ZNF92: variants seen among roughly 807,000 people sequenced by gnomAD.
ZNF92 encodes epididymis luminal protein 203.
A neutral mutation model predicts 12.4 loss-of-function variants in ZNF92; 11 were observed. That is an observed-to-expected ratio of 0.89 (90% CI 0.56 to 1.47). The LOEUF is 1.47. Among genes scored for constraint, ZNF92 ranks in the 40% most tolerant of loss-of-function variants. The probability of loss-of-function intolerance (pLI) is 0.00; values close to 1 mark genes in which losing one functional copy is unlikely to be tolerated. For missense variants in ZNF92, 622 were observed against 681.0 expected (o/e 0.91, Z 0.96); for synonymous variants, 206 against 228.6 (o/e 0.90, Z 0.89).
At chr7:65,391,559 C>T (rs540097601) in intron 3 of ZNF92, among the ~76,000 whole-genome samples, 2 of 152,030 alleles carry the variant, frequency 1.3e-5, no homozygotes, top group Non-Finnish European at 2.9e-5. Flanking sequence ...TAGCCTATAT[C>T]TAAGTAATAA....
At position 65,387,969 on chromosome 7, in the gene ZNF92, C is replaced by T. The variant is rs552074369; in HGVS notation, c.71C>T (p.Ala24Val). 4.4e-5 allele frequency: 71 copies of T among 1,607,758 alleles called. 1 individual carries two copies. The highest frequency in any genetic ancestry group is 6.8e-5 in the Admixed American group (4 of 58,648). The stretch of plus-strand genomic sequence containing the variant: ...GAGGAATGGCAATGCCTGGACACTG[C>T]GCAGCGGAATTTATATAGAGATGTG... ...SLEEWQCLDT[A>V]QRNLYRDVML... The change falls in exon 2 of 4, where the codon GCG becomes GTG. Residue 24 changes from alanine (A) to valine (V), a missense_variant. By Grantham distance (64) the Ala-to-Val change is moderately conservative. Coordinates refer to ENST00000328747, the MANE Select transcript of ZNF92 (RefSeq NM_152626.4).
chr7:65,380,070 C>G (rs1793364908), intron 1 of ZNF92, among the ~76,000 whole-genome samples: 1 of 151,972 alleles, frequency 6.6e-6, no homozygotes, highest in African/African-American at 2.4e-5. Flanking sequence ...CTTATTGTCT[C>G]CATGTGTTGT....
At chr7:65,390,382 A>C (rs1793680646) in intron 3 of ZNF92, among the ~76,000 whole-genome samples, 1 of 152,056 alleles carries the variant, frequency 6.6e-6, no homozygotes, top group African/African-American at 2.4e-5. Context: ...AATTTGAAGG[A>C]GCAAACAGCT....
chr7:65,385,883 AG>A (rs1476736140), intron 1 of ZNF92, among the ~76,000 whole-genome samples: 12 of 152,200 alleles, frequency 7.9e-5, no homozygotes, highest in African/African-American at 2.9e-4. Flanking sequence ...TCTCAGATCA[AG>A]AGCTGTGTCC....
intron 3 of ZNF92, among the ~76,000 whole-genome samples, chr7:65,397,809 G>C (rs1793881702): frequency 6.6e-6 from 1 of 151,790 alleles, no homozygotes; most frequent in Admixed American, 6.6e-5. Context: ...GCTGTCTGTG[G>C]TGCTGCTGCA....
intron 3 of ZNF92, among the ~76,000 whole-genome samples, chr7:65,390,609 T>C (rs1214032972): frequency 6.6e-6 from 1 of 152,104 alleles, no homozygotes; most frequent in Non-Finnish European, 1.5e-5. Flanking sequence ...CCTCCAGGAC[T>C]TTGCTCTGTC....
At chr7:65,384,874 C>T (rs912019951) in intron 1 of ZNF92, among the ~76,000 whole-genome samples, 38 of 152,128 alleles carry the variant, frequency 2.5e-4, no homozygotes, top group Non-Finnish European at 1.8e-4. Flanking sequence ...CTGTAACATA[C>T]TCTTGAGGAC....
intron 1 of ZNF92, among the ~76,000 whole-genome samples, chr7:65,376,931 G>A (rs1000648922): frequency 1.3e-5 from 2 of 152,078 alleles, no homozygotes; most frequent in East Asian, 3.8e-4. Context: ...GAGTAAATTT[G>A]TTACAGCGAA....
chr7:65,376,160 G>A (rs1793230572), intron 1 of ZNF92, among the ~76,000 whole-genome samples: 1 of 151,978 alleles, frequency 6.6e-6, no homozygotes, highest in African/African-American at 2.4e-5. Context: ...CAGTCCACCT[G>A]CCTTGGCCTC....
chr7:65,392,675 T>C (rs1793745881), intron 3 of ZNF92, among the ~76,000 whole-genome samples: 2 of 151,908 alleles, frequency 1.3e-5, no homozygotes, highest in South Asian at 4.2e-4. Context: ...TAGATGGGAT[T>C]ACAGGCATGT....
chr7:65,382,606 T>A (rs981652994), intron 1 of ZNF92, among the ~76,000 whole-genome samples: 1 of 152,118 alleles, frequency 6.6e-6, no homozygotes, highest in Non-Finnish European at 1.5e-5. Context: ...ATTTTACCTC[T>A]TTCAATGACT....
intron 3 of ZNF92, among the ~76,000 whole-genome samples, chr7:65,396,884 A>T (rs73361053): frequency 0.25 from 37,936 of 151,662 alleles, 6,218 homozygotes; most frequent in Non-Finnish European, 0.35. Context: ...TGGAAAATCT[A>T]TTTTTTTCTT....
At chr7:65,385,684 G>A (rs1793542881) in intron 1 of ZNF92, among the ~76,000 whole-genome samples, 1 of 151,164 alleles carries the variant, frequency 6.6e-6, no homozygotes. Context: ...ACAGAAATGG[G>A]TGGACTTTTT....
At position 65,387,877 on chromosome 7, in the gene ZNF92, T is replaced by TTG. The variant is rs143107154; in HGVS notation, c.4-9_4-8dup. On this transcript the variant is annotated intron_variant, in intron 1 of 3. Coordinates refer to ENST00000328747, the MANE Select transcript of ZNF92 (RefSeq NM_152626.4). ...GGCCACTTAGTAAACATATGTGTGT[T>TTG]TGTGTGTGTGTGTGTGTTTTTCAGG... 6.4e-4 allele frequency: 971 copies of TTG among 1,524,412 alleles called. 1 individual carries two copies. The highest frequency in any genetic ancestry group is 2.2e-3 in the South Asian group (181 of 81,510). The allele number at this position is 1,524,412 out of a possible 1,614,324, so 94.4% of individuals were successfully genotyped here. A position where few individuals can be genotyped will look rare whatever the true frequency, so the allele number is the denominator to read the frequency against.
At chr7:65,383,576 A>T (rs116744586) in intron 1 of ZNF92, among the ~76,000 whole-genome samples, 1,833 of 152,270 alleles carry the variant, frequency 0.012, 48 homozygotes, top group African/African-American at 0.04. Flanking sequence ...GGTGCCAGGT[A>T]TAAATAGAAT....
chr7:65,387,106 AT>A (rs991291038), intron 1 of ZNF92, among the ~76,000 whole-genome samples: 4 of 150,986 alleles, frequency 2.6e-5, no homozygotes, highest in Non-Finnish European at 5.9e-5. Flanking sequence ...TGCCCGGCTA[AT>A]TTTTTGTATT....
At chr7:65,396,562 T>C (rs1022187503) in intron 3 of ZNF92, among the ~76,000 whole-genome samples, 1 of 152,184 alleles carries the variant, frequency 6.6e-6, no homozygotes, top group Non-Finnish European at 1.5e-5. Context: ...TCCATCATTA[T>C]GATAGTAAAG....
chr7:65,375,835 T>TCAAA lies in ZNF92; in HGVS notation c.3+1848_3+1851dup, dbSNP rs1191358926. 6.6e-5 allele frequency among the ~76,000 whole-genome samples: 10 copies of TCAAA among 151,874 alleles called. No homozygotes were observed. In the South Asian group the frequency reaches 8.3e-4, roughly 13 times the overall value. The stretch of plus-strand genomic sequence containing the variant: ...TGCACTCCAGCCTCGAGACTCCGTC[T>TCAAA]CAAACAAACAAACAAAAACAACCTG... On this transcript the variant is annotated intron_variant, in intron 1 of 3. Transcript: ENST00000328747.
chr7:65,379,548 A>G (rs1793345292), intron 1 of ZNF92, among the ~76,000 whole-genome samples: 1 of 152,036 alleles, frequency 6.6e-6, no homozygotes, highest in Non-Finnish European at 1.5e-5. Flanking sequence ...ATTCCCACCC[A>G]CTTACAAACA....
Sources: gnomAD v4.1 joint callset for allele counts (sites outside exome capture counted in the v4.1 genomes callset) on GRCh38, gnomAD v4.1.1 for gene constraint, MANE v1.5 for transcripts, NCBI Gene and HGNC (gene_info 2026-07-23, HGNC 2026-07-21) for gene names.